Variants in PLCL1 observed in about 807,000 individuals in gnomAD.
PLCL1 encodes inactive phospholipase C-like protein 1.
A neutral mutation model predicts 84.4 loss-of-function variants in PLCL1; 41 were observed. The ratio of observed to expected loss-of-function variants is 0.49; its 90% CI spans 0.38 to 0.63. PLCL1 has a LOEUF of 0.63. PLCL1 is among the 30% of genes least tolerant of loss of function. The pLI, the probability that PLCL1 is intolerant of heterozygous loss-of-function variation, is 0.00. For synonymous variants in PLCL1, 490 were observed against 488.3 expected (o/e 1.00, Z -0.05); for missense variants, 1,206 against 1,367.8 (o/e 0.88, Z 1.87).
At chr2:197,979,497 A>G (rs1395014047) in intron 1 of PLCL1, among the ~76,000 whole-genome samples, 1 of 151,734 alleles carries the variant, frequency 6.6e-6, no homozygotes, top group African/African-American at 2.4e-5. Context: ...GACCCTCACC[A>G]CCTCTCTGCC....
chr2:197,992,421 T>C (rs777760714), intron 1 of PLCL1, among the ~76,000 whole-genome samples: 9 of 151,902 alleles, frequency 5.9e-5, no homozygotes, highest in Non-Finnish European at 1.0e-4. Flanking sequence ...CACACCACCA[T>C]GCCCAACTAA....
At chr2:197,915,382 G>A (rs1688575135) in intron 1 of PLCL1, among the ~76,000 whole-genome samples, 2 of 152,044 alleles carry the variant, frequency 1.3e-5, no homozygotes, top group Admixed American at 6.5e-5. Flanking sequence ...ATTTAAATGA[G>A]GAGCCAGTTT....
At chr2:197,934,169 T>C (rs920470031) in intron 1 of PLCL1, among the ~76,000 whole-genome samples, 56 of 152,236 alleles carry the variant, frequency 3.7e-4, no homozygotes, top group African/African-American at 1.3e-3. Flanking sequence ...AAAAACAGTT[T>C]GGTTTGCCAG....
intron 1 of PLCL1, among the ~76,000 whole-genome samples, chr2:197,814,163 T>A (rs148469518): frequency 6.6e-6 from 1 of 152,306 alleles, no homozygotes; most frequent in East Asian, 1.9e-4. Flanking sequence ...ACTTTGCAGA[T>A]ATTGCATTTT....
At chr2:197,916,273 G>A (rs550311914) in intron 1 of PLCL1, among the ~76,000 whole-genome samples, 1 of 152,296 alleles carries the variant, frequency 6.6e-6, no homozygotes, top group African/African-American at 2.4e-5. Context: ...AAGAATATAA[G>A]TTGTTTTTAG....
intron 1 of PLCL1, among the ~76,000 whole-genome samples, chr2:197,811,773 AC>A (rs1690591741): frequency 6.6e-6 from 1 of 152,148 alleles, no homozygotes; most frequent in Admixed American, 6.5e-5. Context: ...TCTTATGCTG[AC>A]CTTTTTCAAG....
chr2:198,028,194 A>G (rs1161330426), intron 1 of PLCL1, among the ~76,000 whole-genome samples: 1 of 152,230 alleles, frequency 6.6e-6, no homozygotes, highest in Non-Finnish European at 1.5e-5. Flanking sequence ...CTTTCTCAAA[A>G]TAAAAAGTTA....
intron 1 of PLCL1, among the ~76,000 whole-genome samples, chr2:198,014,028 C>G (rs967240885): frequency 6.6e-6 from 1 of 152,008 alleles, no homozygotes; most frequent in Non-Finnish European, 1.5e-5. Flanking sequence ...TCATGACTCC[C>G]AAGCTGAACT....
chr2:197,836,152 T>TA (rs1691182168), intron 1 of PLCL1, among the ~76,000 whole-genome samples: 1 of 152,204 alleles, frequency 6.6e-6, no homozygotes, highest in African/African-American at 2.4e-5. Context: ...AATCATCCTC[T>TA]AATTTTCCTA....
chr2:198,146,391 C>T (rs1006707207), intron 5 of PLCL1, among the ~76,000 whole-genome samples: 4 of 152,182 alleles, frequency 2.6e-5, no homozygotes, highest in Admixed American at 2.0e-4. Flanking sequence ...TAAGGAAGAG[C>T]TTCTTTCCTT....
At chr2:197,879,516 A>G (rs996078924) in intron 1 of PLCL1, among the ~76,000 whole-genome samples, 1 of 152,098 alleles carries the variant, frequency 6.6e-6, no homozygotes, top group Non-Finnish European at 1.5e-5. Flanking sequence ...TAAGACAAAG[A>G]GTTGATTGAT....
intron 5 of PLCL1, among the ~76,000 whole-genome samples, chr2:198,146,541 G>A (rs1030724569): frequency 2.0e-5 from 3 of 152,108 alleles, no homozygotes; most frequent in African/African-American, 4.8e-5. Flanking sequence ...GAATCTCAAC[G>A]GACTGCCAGC....
rs1692878235 is a variant in PLCL1 at position 198,086,237 on chromosome 2, G to C, written c.2715+5G>C. ...GATATGAGAGAAAATATGCAGGTAGGAGAAACACTCACACTCTCCTTCCCT... is the reference window on the plus strand; with the variant it reads ...GATATGAGAGAAAATATGCAGGTAGCAGAAACACTCACACTCTCCTTCCCT... On this transcript the variant is annotated splice_donor_5th_base_variant and intron_variant, in intron 2 of 5. Coordinates refer to ENST00000428675, the MANE Select transcript of PLCL1 (RefSeq NM_006226.4). 1 of 1,566,098 alleles carries C rather than the reference G, an allele frequency of 6.4e-7. No homozygotes were observed. Among genetic ancestry groups the C allele is most frequent in the Non-Finnish European group, 8.7e-7 (1 of 1,145,138 alleles).
At chr2:198,077,929 C>T (rs1224824996) in intron 1 of PLCL1, among the ~76,000 whole-genome samples, 1 of 152,144 alleles carries the variant, frequency 6.6e-6, no homozygotes, top group Non-Finnish European at 1.5e-5. Flanking sequence ...TGATATTTCC[C>T]ACTCTTCTTC....
At chr2:198,069,375 G>A (rs1007739479) in intron 1 of PLCL1, among the ~76,000 whole-genome samples, 1 of 152,012 alleles carries the variant, frequency 6.6e-6, no homozygotes, top group African/African-American at 2.4e-5. Flanking sequence ...TATACTCTCA[G>A]CCACTTGGGA....
intron 1 of PLCL1, among the ~76,000 whole-genome samples, chr2:198,038,494 T>C (rs1691593482): frequency 6.6e-6 from 1 of 152,148 alleles, no homozygotes; most frequent in Non-Finnish European, 1.5e-5. Context: ...CAGTGTTATT[T>C]TGTAGTAAAA....
Position 198,139,371 on chromosome 2 carries a change from G to T in PLCL1, c.3106-7409G>T, listed in dbSNP as rs931861832. 3.2e-4 allele frequency among the ~76,000 whole-genome samples: 48 copies of T among 152,030 alleles called. 1 individual carries two copies. The highest frequency in any genetic ancestry group is 5.7e-4 in the Non-Finnish European group (39 of 68,006). On this transcript the variant is annotated intron_variant, in intron 5 of 5. Transcript: ENST00000428675. The stretch of plus-strand genomic sequence containing the variant: ...ATTATTTGTTTTCATACTAGTGTCT[G>T]TCTCTACATTTGCATTATCATTTTC...
At chr2:197,874,679 T>C (rs1687704976) in intron 1 of PLCL1, among the ~76,000 whole-genome samples, 2 of 152,194 alleles carry the variant, frequency 1.3e-5, no homozygotes, top group South Asian at 4.1e-4. Context: ...TATGATTTAA[T>C]AGACTTTTGT....
intron 1 of PLCL1, among the ~76,000 whole-genome samples, chr2:198,073,056 G>A (rs1692500499): frequency 6.6e-6 from 1 of 152,106 alleles, no homozygotes; most frequent in Non-Finnish European, 1.5e-5. Context: ...TTTGCAAAAA[G>A]TCATGCAAGT....
Sources: allele counts gnomAD v4.1 joint callset (sites outside exome capture counted in the v4.1 genomes callset), GRCh38; gene constraint gnomAD v4.1.1; transcripts MANE v1.5; gene names NCBI Gene and HGNC (gene_info 2026-07-23, HGNC 2026-07-21).